The following DCTN1 variants were observed in gnomAD, a reference collection of about 807,000 sequenced individuals.
DCTN1 encodes 150 kDa dynein-associated polypeptide.
A neutral mutation model predicts 161.2 loss-of-function variants in DCTN1; 61 were observed. The ratio of observed to expected loss-of-function variants is 0.38; its 90% CI spans 0.31 to 0.47. The LOEUF (loss-of-function observed/expected upper bound fraction) is 0.47, where lower values mean the gene tolerates loss of function less well. DCTN1 is among the 20% of genes least tolerant of loss of function. DCTN1 has a pLI of 0.99. For synonymous variants in DCTN1, 653 were observed against 632.4 expected, an observed-to-expected ratio of 1.03 and a Z score of -0.49; for missense variants, 1,404 against 1,623.7, an observed-to-expected ratio of 0.86 and a Z score of 2.33.
intron 20 of DCTN1, 21 bp downstream of exon 20, chr2:74,367,024 C>T (rs72659378): frequency 4.5e-5 from 72 of 1,614,104 alleles, no homozygotes; most frequent in Non-Finnish European, 5.8e-5. Flanking sequence ...GGAGCTCACA[C>T]AGATCTAGAT....
chr2:74,379,146 TG>T (rs1675391469), intron 1 of DCTN1, among the ~76,000 whole-genome samples: 1 of 152,176 alleles, frequency 6.6e-6, no homozygotes, highest in African/African-American at 2.4e-5. Flanking sequence ...ACACCCATGA[TG>T]ACTGAACACA....
At chr2:74,368,572 T>C (rs1168405149) in intron 16 of DCTN1, 156 bp downstream of exon 16, 1 of 980,424 alleles carries the variant, frequency 1.0e-6, no homozygotes, top group African/African-American at 1.6e-5. Flanking sequence ...ACACACCATT[T>C]GTAATATATA....
chr2:74,364,670 C>A, intron 26 of DCTN1: 1 of 310,940 alleles, frequency 3.2e-6, no homozygotes, highest in Non-Finnish European at 6.2e-6. Context: ...TGAGAAAACA[C>A]AGTGTCCAAG....
chr2:74,367,847 C>A lies in DCTN1; in HGVS notation c.2033G>T (p.Ser678Ile). The change falls in exon 18 of 32, where the codon AGT (serine) becomes ATT (isoleucine). Residue 678 changes from serine to isoleucine, a missense_variant. Ser to Ile is a moderately radical substitution (Grantham distance 142, BLOSUM62 -2). This residue lies in a region of DCTN1 where 475 missense variants were observed against 489.8 expected (regional missense o/e 0.97). Transcript: ENST00000628224. ...HRYEHALSQC[S>I]VDVYKKVGSL... is the part of the protein sequence containing the mutation. ...GCCCACTTTCTTATACACATCCACACTGCACTGAGAGAGGGCACTAGAGAC... is the reference window on the plus strand; with the variant it reads ...GCCCACTTTCTTATACACATCCACAATGCACTGAGAGAGGGCACTAGAGAC... 2.5e-6 allele frequency: 4 copies of A among 1,614,232 alleles called. No homozygotes were observed. The highest frequency in any genetic ancestry group is 3.4e-6 in the Non-Finnish European group (4 of 1,180,046).
At chr2:74,372,390 C>T (rs1307985564) in intron 7 of DCTN1, among the ~76,000 whole-genome samples, 2 of 152,204 alleles carry the variant, frequency 1.3e-5, no homozygotes, top group East Asian at 1.9e-4. Context: ...CAACACTATC[C>T]ATGCCCCTGT....
At chr2:74,376,626 G>C in intron 5 of DCTN1, 116 bp downstream of exon 5, 1 of 1,012,638 alleles carries the variant, frequency 9.9e-7, no homozygotes, top group Non-Finnish European at 1.5e-6. Flanking sequence ...ATTTCCTCTG[G>C]CCATCCCAGC....
In DCTN1 at chr2:74,372,958, C is replaced by G; in HGVS notation, c.433-10G>C. 7 of 1,613,770 alleles carry G rather than the reference C, an allele frequency of 4.3e-6. No homozygotes were observed. Among genetic ancestry groups the G allele is most frequent in the Non-Finnish European group, 5.9e-6 (7 of 1,179,872 alleles). ...GTCGCCGAGTTGTGGTCTGGACAGG[C>G]AACAGGAGCCAGAAGAGAAGTAGTC... On this transcript the variant is annotated splice_polypyrimidine_tract_variant and intron_variant, in intron 6 of 31. Transcript: ENST00000628224.
At chr2:74,374,553 G>A in intron 5 of DCTN1, 1 of 1,367,402 alleles carries the variant, frequency 7.3e-7, no homozygotes, top group South Asian at 1.4e-5. Flanking sequence ...CCTGCAAACG[G>A]CCGCCGCTCT....
chr2:74,363,962 G>A (rs1172715118), intron 26 of DCTN1: 1 of 430,898 alleles, frequency 2.3e-6, no homozygotes, highest in Non-Finnish European at 4.3e-6. Context: ...AGAAGGGCAC[G>A]GAGAATGCTC....
At chr2:74,390,102 G>C (rs1052877666) in intron 1 of DCTN1, among the ~76,000 whole-genome samples, 1 of 152,148 alleles carries the variant, frequency 6.6e-6, no homozygotes, top group Admixed American at 6.5e-5. Context: ...TTCTAGTCTT[G>C]CAAGCCACAC....
At position 74,366,258 on chromosome 2, in the gene DCTN1, G is replaced by A. The variant is rs763956654; in HGVS notation, c.2746C>T (p.Arg916Trp). 8.1e-6 allele frequency: 13 copies of A among 1,613,986 alleles called. No homozygotes were observed. Among genetic ancestry groups the A allele is most frequent in the South Asian group, 6.6e-5 (6 of 91,092 alleles). The change falls in exon 23 of 32, where the codon CGG (arginine) becomes TGG (tryptophan). Residue 916 changes from arginine to tryptophan, a missense_variant. By Grantham distance (101) the Arg-to-Trp change is moderately radical. Around this residue, in one of 9 missense-constraint regions of DCTN1, gnomAD observed 475 missense variants for 489.8 expected, o/e 0.97. Coordinates refer to ENST00000628224, the MANE Select transcript of DCTN1 (RefSeq NM_004082.5). ...AMQEGEYDAE[R>W]PPSKPPPVEL... ...TCTCCACCTACCTTGCTGGGGGGCCGCTCTGCATCATACTCCCCCTCCTGC... is the reference window on the plus strand; with the variant it reads ...TCTCCACCTACCTTGCTGGGGGGCCACTCTGCATCATACTCCCCCTCCTGC...
Position 74,365,917 on chromosome 2 carries a change from C to T in DCTN1, c.2862G>A (p.Glu954=). The T allele has an allele frequency of 6.2e-7, 1 of 1,614,248 alleles. No homozygotes were observed. Among genetic ancestry groups the T allele is most frequent in the Non-Finnish European group, 8.5e-7 (1 of 1,180,056 alleles). ...KLEDRETVIK[E]LKKSLKIKGE... is the part of the protein sequence containing the mutation. Reference sequence around the variant, plus strand: ...CCTTAATCTTGAGTGACTTCTTCAACTCCTTAATAACTGTCTCTCGATCTT... The same window carrying T: ...CCTTAATCTTGAGTGACTTCTTCAATTCCTTAATAACTGTCTCTCGATCTT... The change falls in exon 24 of 32, where the codon GAG becomes GAA. Residue 954 remains glutamate, a synonymous_variant. Transcript: ENST00000628224.
Position 74,362,168 on chromosome 2 carries a change from G to A in DCTN1, c.3610-27C>T, listed in dbSNP as rs1238441584. The A allele has an allele frequency of 3.1e-6, 5 of 1,605,390 alleles. No homozygotes were observed. In the African/African-American group the frequency reaches 6.7e-5, roughly 21 times the overall value. On this transcript the variant is annotated intron_variant, in intron 30 of 31. Coordinates refer to ENST00000628224, the MANE Select transcript of DCTN1 (RefSeq NM_004082.5). ...TAGGGAAGGGGAGAGGAAGACAAGG[G>A]TTCATTTATGGGACCCCCACAGGCT...
At chr2:74,367,320 C>G in intron 19 of DCTN1, 32 bp downstream of exon 19, 1 of 1,612,024 alleles carries the variant, frequency 6.2e-7, no homozygotes, top group Non-Finnish European at 8.5e-7. Flanking sequence ...CTGATCTCCA[C>G]GGGGGCTCAA....
At chr2:74,384,229 A>T (rs191955141), upstream of DCTN1, among the ~76,000 whole-genome samples, 53 of 152,362 alleles carry the variant, frequency 3.5e-4, no homozygotes, top group African/African-American at 1.2e-3. Context: ...TGATGTAGCC[A>T]AAACAGATTC....
At position 74,377,633 on chromosome 2, in the gene DCTN1, G is replaced by A. The variant is rs753119702; in HGVS notation, c.358+15C>T. ...CCTGGCTATGGGGAGGCAACTTTAA[G>A]TGGGTGGTTGTTACCTCTTTTGAGG... On this transcript the variant is annotated intron_variant, in intron 3 of 31. Coordinates refer to ENST00000628224, the MANE Select transcript of DCTN1 (RefSeq NM_004082.5). 29 of 1,611,832 alleles carry A rather than the reference G, an allele frequency of 1.8e-5. No homozygotes were observed. Among genetic ancestry groups the A allele is most frequent in the Non-Finnish European group, 2.5e-5 (29 of 1,177,848 alleles).
Position 74,376,724 on chromosome 2 carries a change from A to G in DCTN1, c.414+18T>C. On this transcript the variant is annotated intron_variant, in intron 5 of 31. Coordinates refer to ENST00000628224, the MANE Select transcript of DCTN1 (RefSeq NM_004082.5). ...TCATGGCCCCCATCCACCCAGGCAC[A>G]AATAGTAAACACACCACCTTCTTAG... is the stretch of plus-strand genomic sequence containing the variant. The G allele has an allele frequency of 6.2e-7, 1 of 1,602,186 alleles. No individual in the cohort carries two copies. Among genetic ancestry groups the G allele is most frequent in the South Asian group, 1.1e-5 (1 of 88,544 alleles).
Position 74,366,810 on chromosome 2 carries a change from G to C in DCTN1, c.2439C>G (p.Ile813Met), listed in dbSNP as rs1313684238. The C allele has an allele frequency of 1.9e-6, 3 of 1,614,128 alleles. No homozygotes were observed. The highest frequency in any genetic ancestry group is 2.5e-6 in the Non-Finnish European group (3 of 1,180,056). The change falls in exon 21 of 32, where the codon ATC (isoleucine) becomes ATG (methionine). Residue 813 changes from isoleucine to methionine, a missense_variant. This residue lies in a region of DCTN1 where 475 missense variants were observed against 489.8 expected (regional missense o/e 0.97). Transcript: ENST00000628224. ...RRMPGTDAPG[I>M]PAALAFGPQV... The stretch of plus-strand genomic sequence containing the variant: ...GTGGTCCAAAGGCCAGTGCAGCTGG[G>C]ATCCCAGGAGCATCTGTCCCTGGCA...
intron 5 of DCTN1, 51 bp from the exon 6 acceptor site, chr2:74,374,391 G>A: frequency 6.2e-7 from 1 of 1,611,710 alleles, no homozygotes; most frequent in Admixed American, 1.7e-5. Context: ...GAAAGAGGAG[G>A]GACAGAGGAG....
Sources: allele counts gnomAD v4.1 joint callset (sites outside exome capture counted in the v4.1 genomes callset), GRCh38; gene constraint gnomAD v4.1.1; regional missense constraint gnomAD v4.1.1; transcripts MANE v1.5; gene names NCBI Gene and HGNC (gene_info 2026-07-23, HGNC 2026-07-21).